The following SHB variants were observed in gnomAD, a reference collection of about 807,000 sequenced individuals.
SHB encodes the protein SH2 domain-containing adapter protein B.
In SHB, 20 loss-of-function variants were observed where a neutral mutation model predicts 52.3. That is an observed-to-expected ratio of 0.38 (90% CI 0.27 to 0.56). The LOEUF (loss-of-function observed/expected upper bound fraction) is 0.56. Among genes scored for constraint, SHB ranks in the 20% least tolerant of loss-of-function variants. The pLI is 0.71. For synonymous variants in SHB, 397 were observed against 316.5 expected (o/e 1.25, Z -2.70); for missense variants, 825 against 723.3 (o/e 1.14, Z -1.61).
intron 5 of SHB, among the ~76,000 whole-genome samples, chr9:37,929,373 A>T (rs542932820): frequency 6.6e-6 from 1 of 152,330 alleles, no homozygotes; most frequent in East Asian, 1.9e-4. Context: ...AGCTTAATGC[A>T]TTTTTAAATT....
rs1008506214 is a variant in SHB, at chr9:38,006,740, G to A, written c.838+9271C>T. Among the ~76,000 whole-genome samples the A allele has an allele frequency of 7.9e-5, 12 of 152,312 alleles. No homozygotes were observed. In the East Asian group the frequency reaches 1.2e-3, roughly 15 times the overall value. ...CTGTTTGTTGGGCCCTCACATCTAT[G>A]AGGCTTAGTGCCAGCAGCACGGGGA... On this transcript the variant is annotated intron_variant, in intron 2 of 5. Coordinates refer to ENST00000377707, the MANE Select transcript of SHB (RefSeq NM_003028.3).
intron 3 of SHB, among the ~76,000 whole-genome samples, chr9:37,958,300 C>A (rs1439405828): frequency 6.6e-6 from 1 of 152,154 alleles, no homozygotes. Flanking sequence ...GCAAAGTGCA[C>A]CATGAGAGGA....
rs187091451 is a variant in SHB at position 38,009,630 on chromosome 9, T to C, written c.838+6381A>G. 3.9e-4 allele frequency among the ~76,000 whole-genome samples: 59 copies of C among 152,146 alleles called. 1 individual carries two copies. The East Asian group carries it at 9.9e-3, about 25-fold the overall frequency. ...TCTTTAACATGATAAACCCCATGAT[T>C]CTCCCAGAGAGCATGTTGCCACTAG... On this transcript the variant is annotated intron_variant, in intron 2 of 5. Coordinates refer to ENST00000377707, the MANE Select transcript of SHB (RefSeq NM_003028.3).
intron 2 of SHB, among the ~76,000 whole-genome samples, chr9:37,988,692 A>G (rs1246291483): frequency 6.6e-6 from 1 of 152,168 alleles, no homozygotes; most frequent in Non-Finnish European, 1.5e-5. Context: ...TAGTTCGTCA[A>G]ATATTATTCT....
intron 1 of SHB, among the ~76,000 whole-genome samples, chr9:38,017,431 G>T (rs1295529142): frequency 6.6e-6 from 1 of 152,216 alleles, no homozygotes; most frequent in East Asian, 1.9e-4. Context: ...ATCCCCCTTT[G>T]TCTGCCTGGT....
chr9:38,018,536 AGTTT>A (rs1220828415), intron 1 of SHB, among the ~76,000 whole-genome samples: 5 of 151,392 alleles, frequency 3.3e-5, no homozygotes, highest in African/African-American at 1.2e-4. Context: ...GAATTCTGTT[AGTTT>A]AAGAAGCAAA....
intron 2 of SHB, among the ~76,000 whole-genome samples, chr9:37,993,680 A>AG (rs1005258824): frequency 6.6e-6 from 1 of 152,096 alleles, no homozygotes; most frequent in African/African-American, 2.4e-5. Context: ...AAAAAAAAAA[A>AG]GAAAATATAA....
chr9:37,921,391 A>C (rs1052029352), intron 5 of SHB, among the ~76,000 whole-genome samples: 2 of 152,222 alleles, frequency 1.3e-5, no homozygotes, highest in African/African-American at 4.8e-5. Flanking sequence ...TCCCAAGCTT[A>C]CAAGTGCCCA....
chr9:38,068,344 G>A lies in SHB; in HGVS notation c.302C>T (p.Ser101Leu), dbSNP rs981224175. 3 of 1,555,128 alleles carry A rather than the reference G, an allele frequency of 1.9e-6. No individual in the cohort carries two copies. Among genetic ancestry groups the A allele is most frequent in the South Asian group, 1.2e-5 (1 of 84,026 alleles). Residue 101 changes from serine to leucine, a missense_variant, in exon 1 of 6, where the codon TCG becomes TTG. Ser to Leu is a moderately radical substitution (Grantham distance 145). Transcript: ENST00000377707. ...CATGGCGCGCAGTTTGCGCAGCGAC[G>A]AGCCAGGCCCGTTGTAGGGGTCCTC... The part of the protein sequence containing the change: ...DFEDPYNGPG[S>L]SLRKLRAMCR...
chr9:37,972,142 G>A (rs149292972), intron 3 of SHB, among the ~76,000 whole-genome samples: 19 of 152,300 alleles, frequency 1.2e-4, no homozygotes, highest in African/African-American at 3.4e-4. Flanking sequence ...GGGAGGGTGA[G>A]TCCCCACACC....
chr9:37,957,271 G>A (rs1346861893), intron 3 of SHB, among the ~76,000 whole-genome samples: 1 of 152,200 alleles, frequency 6.6e-6, no homozygotes, highest in Non-Finnish European at 1.5e-5. Context: ...ATTGTGGCAA[G>A]CTATCCTCCA....
Position 37,935,877 on chromosome 9 carries a change from C to T in SHB, c.1346+12758G>A, listed in dbSNP as rs116166837. On this transcript the variant is annotated intron_variant, in intron 5 of 5. Coordinates refer to ENST00000377707, the MANE Select transcript of SHB (RefSeq NM_003028.3). ...CAAGACAGAGCCGGAACCAGAAATG[C>T]GTTTCCTAACTCCATAGCCAATGAG... Among the ~76,000 whole-genome samples the T allele has an allele frequency of 2.4e-4, 36 of 151,934 alleles. 1 individual carries two copies. Among genetic ancestry groups the T allele is most frequent in the African/African-American group, 8.0e-4 (33 of 41,398 alleles).
intron 1 of SHB, among the ~76,000 whole-genome samples, chr9:38,048,845 C>T (rs944816730): frequency 6.6e-6 from 1 of 152,110 alleles, no homozygotes; most frequent in African/African-American, 2.4e-5. Context: ...AGGTGCTTTT[C>T]CCTAGGAGGG....
intron 3 of SHB, among the ~76,000 whole-genome samples, chr9:37,974,061 C>T (rs1820623867): frequency 6.6e-6 from 1 of 152,158 alleles, no homozygotes; most frequent in Non-Finnish European, 1.5e-5. Flanking sequence ...TTGACAGCAG[C>T]CTGGCCAACA....
chr9:37,998,905 C>G (rs1227929039), intron 2 of SHB, among the ~76,000 whole-genome samples: 3 of 152,220 alleles, frequency 2.0e-5, no homozygotes, highest in African/African-American at 7.2e-5. Context: ...CAGCTCTTCC[C>G]AAGAGCCAAG....
chr9:38,065,699 C>T (rs1821952735), intron 1 of SHB, among the ~76,000 whole-genome samples: 1 of 152,172 alleles, frequency 6.6e-6, no homozygotes, highest in African/African-American at 2.4e-5. Flanking sequence ...TGAAAAGTAA[C>T]CCAGAGAGAT....
intron 1 of SHB, among the ~76,000 whole-genome samples, chr9:38,030,124 A>G (rs1341591395): frequency 6.6e-6 from 1 of 152,184 alleles, no homozygotes; most frequent in Non-Finnish European, 1.5e-5. Flanking sequence ...GCTGTGGCCA[A>G]TGGAACCAGC....
intron 1 of SHB, among the ~76,000 whole-genome samples, chr9:38,028,340 C>T (rs769809139): frequency 6.6e-6 from 1 of 152,186 alleles, no homozygotes; most frequent in African/African-American, 2.4e-5. Flanking sequence ...CCTATGAAGG[C>T]CTCAGGGGCA....
At chr9:37,984,137 G>A (rs922889753) in intron 2 of SHB, among the ~76,000 whole-genome samples, 2 of 152,206 alleles carry the variant, frequency 1.3e-5, no homozygotes, top group African/African-American at 2.4e-5. Context: ...CACAGAAGGC[G>A]TTTTGTGAAT....
Sources: allele counts gnomAD v4.1 joint callset (sites outside exome capture counted in the v4.1 genomes callset), GRCh38; gene constraint gnomAD v4.1.1; transcripts MANE v1.5; gene names NCBI Gene and HGNC (gene_info 2026-07-23, HGNC 2026-07-21).